The following CA10 variants were observed in gnomAD, a reference collection of about 807,000 sequenced individuals.
CA10 encodes the protein carbonic anhydrase-related protein 10.
Under a neutral mutation model 44.2 loss-of-function variants are expected in CA10, and 14 were observed. The ratio of observed to expected loss-of-function variants is 0.32; its 90% CI spans 0.21 to 0.50. The LOEUF (loss-of-function observed/expected upper bound fraction) is 0.50. CA10 is among the 20% of genes least tolerant of loss of function. The probability of loss-of-function intolerance (pLI) is 0.99; values close to 1 mark genes in which losing one functional copy is unlikely to be tolerated. For synonymous variants in CA10, 159 were observed against 141.6 expected (o/e 1.12, Z -0.87); for missense variants, 350 against 409.7 (o/e 0.85, Z 1.26).
chr17:51,709,160 T>G (rs1915854732), intron 4 of CA10, among the ~76,000 whole-genome samples: 1 of 152,264 alleles, frequency 6.6e-6, no homozygotes, highest in South Asian at 2.1e-4. Flanking sequence ...TTCATTTACT[T>G]GCTCATCTAG....
chr17:52,053,232 A>T (rs1453954160), intron 2 of CA10, among the ~76,000 whole-genome samples: 4 of 152,092 alleles, frequency 2.6e-5, no homozygotes, highest in Admixed American at 2.6e-4. Context: ...CCCTCTCATT[A>T]AAAGTAGGGG....
intron 4 of CA10, among the ~76,000 whole-genome samples, chr17:51,681,628 T>C (rs981868597): frequency 1.3e-5 from 2 of 152,184 alleles, no homozygotes; most frequent in Admixed American, 1.3e-4. Context: ...AAAGGCAATA[T>C]GGTCCTCGAT....
At chr17:51,930,316 GC>G (rs1982601445) in intron 3 of CA10, among the ~76,000 whole-genome samples, 1 of 151,912 alleles carries the variant, frequency 6.6e-6, no homozygotes, top group Non-Finnish European at 1.5e-5. Context: ...GTAAAAGATA[GC>G]CAAGTAGACA....
At chr17:51,947,869 G>T (rs888879066) in intron 2 of CA10, among the ~76,000 whole-genome samples, 1 of 151,966 alleles carries the variant, frequency 6.6e-6, no homozygotes, top group African/African-American at 2.4e-5. Flanking sequence ...CCAGTTGTGA[G>T]GTTCCCCTCT....
chr17:51,839,500 CAAAAAAAAAAAA>C lies in CA10; in HGVS notation c.279+91478_279+91489del, dbSNP rs34200978. Among the ~76,000 whole-genome samples the C allele has an allele frequency of 5.4e-3, 195 of 36,320 alleles. 1 individual carries two copies. Among genetic ancestry groups the C allele is most frequent in the African/African-American group, 0.023 (185 of 8,016 alleles). The allele number at this position is 36,320 out of a possible 152,430, so 23.8% of individuals were successfully genotyped here. A position where few individuals can be genotyped will look rare whatever the true frequency, so the allele number is the denominator to read the frequency against. On this transcript the variant is annotated intron_variant, in intron 3 of 8. Transcript: ENST00000451037. ...AGAGCAACAGAGCAAGACTCCTTCT[CAAAAAAAAAAAA>C]AAAAAAAAAAAAAAAAAGGAACTAC...
At chr17:51,999,017 T>G (rs559515497) in intron 2 of CA10, among the ~76,000 whole-genome samples, 1 of 152,174 alleles carries the variant, frequency 6.6e-6, no homozygotes, top group Admixed American at 6.5e-5. Flanking sequence ...TCATGGGTGG[T>G]TCTGAATTAA....
At chr17:52,074,349 C>T (rs1987762589) in intron 1 of CA10, among the ~76,000 whole-genome samples, 2 of 152,150 alleles carry the variant, frequency 1.3e-5, no homozygotes, top group African/African-American at 4.8e-5. Context: ...TTTCTAAGAT[C>T]TTAAAAGCAT....
At chr17:52,070,973 T>C (rs184300973) in intron 2 of CA10, among the ~76,000 whole-genome samples, 111 of 152,344 alleles carry the variant, frequency 7.3e-4, no homozygotes, top group African/African-American at 2.6e-3. Context: ...GGTACAAGAA[T>C]ATAATTATAA....
intron 2 of CA10, among the ~76,000 whole-genome samples, chr17:51,972,304 CCTCA>C (rs1252189583): frequency 3.9e-5 from 6 of 151,960 alleles, no homozygotes; most frequent in Non-Finnish European, 7.4e-5. Context: ...TACTTTTTAT[CCTCA>C]CTAATATTCA....
intron 2 of CA10, among the ~76,000 whole-genome samples, chr17:51,950,493 C>G (rs73350235): frequency 0.01 from 1,586 of 152,210 alleles, 32 homozygotes; most frequent in African/African-American, 0.036. Flanking sequence ...CAGCAACCAC[C>G]CTTGCAGGGC....
chr17:51,830,067 C>T (rs1908175847), intron 3 of CA10, among the ~76,000 whole-genome samples: 1 of 151,822 alleles, frequency 6.6e-6, no homozygotes, highest in African/African-American at 2.4e-5. Flanking sequence ...TGTGTTGGCG[C>T]ATGCCTGTCA....
At chr17:51,715,653 C>T (rs1567814297) in intron 4 of CA10, among the ~76,000 whole-genome samples, 1 of 152,100 alleles carries the variant, frequency 6.6e-6, no homozygotes, top group Non-Finnish European at 1.5e-5. Context: ...TTATTGACTA[C>T]AGTCATCCTA....
At chr17:51,935,717 T>G (rs1363202413) in intron 2 of CA10, among the ~76,000 whole-genome samples, 1 of 152,158 alleles carries the variant, frequency 6.6e-6, no homozygotes, top group Admixed American at 6.5e-5. Flanking sequence ...TGATTTCAAC[T>G]GCTTAAATCA....
chr17:52,054,477 G>T (rs909293546), intron 2 of CA10, among the ~76,000 whole-genome samples: 2 of 152,070 alleles, frequency 1.3e-5, no homozygotes, highest in African/African-American at 4.8e-5. Flanking sequence ...GTGGTCCTGT[G>T]ATCTCACCCT....
chr17:51,798,398 A>G (rs754803372), intron 3 of CA10, among the ~76,000 whole-genome samples: 17 of 152,242 alleles, frequency 1.1e-4, no homozygotes, highest in South Asian at 2.1e-4. Flanking sequence ...TACATGCCCA[A>G]TGGCATTTAT....
At chr17:51,858,964 A>G (rs1979176701) in intron 3 of CA10, among the ~76,000 whole-genome samples, 1 of 152,106 alleles carries the variant, frequency 6.6e-6, no homozygotes, top group Non-Finnish European at 1.5e-5. Context: ...CAAAATGGGA[A>G]CAATAAGGGT....
At chr17:51,769,397 A>G (rs1905511417) in intron 3 of CA10, among the ~76,000 whole-genome samples, 1 of 152,210 alleles carries the variant, frequency 6.6e-6, no homozygotes, top group African/African-American at 2.4e-5. Flanking sequence ...ACAATTCTGT[A>G]CAAAATGGTA....
At chr17:52,125,350 T>A (rs1365448223) in intron 1 of CA10, among the ~76,000 whole-genome samples, 1 of 152,198 alleles carries the variant, frequency 6.6e-6, no homozygotes, top group Non-Finnish European at 1.5e-5. Context: ...GCCGGCTGGT[T>A]GGTGAGCTGA....
At chr17:51,867,095 C>T in intron 3 of CA10, among the ~76,000 whole-genome samples, 1 of 151,988 alleles carries the variant, frequency 6.6e-6, no homozygotes, top group East Asian at 1.9e-4. Flanking sequence ...AAAAAAGAGC[C>T]TCTAAATTGA....
Sources: gnomAD v4.1 joint callset for allele counts (sites outside exome capture counted in the v4.1 genomes callset) on GRCh38, gnomAD v4.1.1 for gene constraint, MANE v1.5 for transcripts, NCBI Gene and HGNC (gene_info 2026-07-23, HGNC 2026-07-21) for gene names.